Variants in ENKUR observed in about 807,000 individuals in gnomAD.
ENKUR encodes enkurin.
A neutral mutation model predicts 27.6 loss-of-function variants in ENKUR; 19 were observed. That is an observed-to-expected ratio of 0.69 (90% CI 0.48 to 1.01). The LOEUF is 1.01. Ranked by LOEUF, ENKUR falls within the 50% of genes least tolerant of loss-of-function variation. The pLI is 0.00. For synonymous variants in ENKUR, 117 were observed against 96.9 expected (o/e 1.21, Z -1.22); for missense variants, 312 against 310.5 (o/e 1.00, Z -0.04).
intron 2 of ENKUR, among the ~76,000 whole-genome samples, chr10:25,054,544 T>C (rs898622200): frequency 6.7e-6 from 1 of 148,326 alleles, no homozygotes; most frequent in African/African-American, 2.5e-5. Context: ...TCTTTCTTTC[T>C]TTCCTTTCTT....
intron 1 of ENKUR, among the ~76,000 whole-genome samples, chr10:24,999,768 G>C (rs1228699907): frequency 6.6e-6 from 1 of 152,164 alleles, no homozygotes; most frequent in Non-Finnish European, 1.5e-5. Context: ...AGTGTTCATA[G>C]TATTTCCTTA....
At chr10:25,037,327 G>T (rs1851019385) in intron 2 of ENKUR, among the ~76,000 whole-genome samples, 1 of 152,204 alleles carries the variant, frequency 6.6e-6, no homozygotes, top group Non-Finnish European at 1.5e-5. Context: ...GGTGGAACCA[G>T]AAAGCAGTTG....
intron 2 of ENKUR, among the ~76,000 whole-genome samples, chr10:25,036,371 GC>G (rs1851008114): frequency 6.6e-6 from 1 of 152,164 alleles, no homozygotes; most frequent in African/African-American, 2.4e-5. Context: ...GGCTTCCCAA[GC>G]CACGTGGAAC....
Position 24,983,101 on chromosome 10 carries a change from A to G in ENKUR, c.*1269T>C, listed in dbSNP as rs1466751482. 3.3e-5 allele frequency: 5 copies of G among 152,222 alleles called. No individual in the cohort carries two copies. The highest frequency in any genetic ancestry group is 1.2e-4 in the African/African-American group (5 of 41,466). 9.4% of individuals were successfully genotyped at this position (152,222 alleles called of 1,614,324 possible). On this transcript the variant is annotated 3_prime_UTR_variant, in exon 6 of 6. Transcript: ENST00000331161. ...CTGCCTGGATCAACAGAGTCACCAGACAAAAGGAGACTGGGTCCCTGAGTG... is the reference window on the plus strand; with the variant it reads ...CTGCCTGGATCAACAGAGTCACCAGGCAAAAGGAGACTGGGTCCCTGAGTG...
At chr10:25,020,740 CAAAA>C (rs36007062), upstream of ENKUR, among the ~76,000 whole-genome samples, 3 of 134,022 alleles carry the variant, frequency 2.2e-5, 1 homozygote, top group East Asian at 4.1e-4. Context: ...GACCCTTTCT[CAAAA>C]AAAAAAAAAA....
chr10:25,046,477 T>C (rs1229230981), intron 2 of ENKUR, among the ~76,000 whole-genome samples: 1 of 152,138 alleles, frequency 6.6e-6, no homozygotes, highest in Non-Finnish European at 1.5e-5. Context: ...AAACTTTCCA[T>C]ACGCTTTAAA....
intron 4 of ENKUR, among the ~76,000 whole-genome samples, chr10:24,986,048 A>G (rs1291558243): frequency 6.6e-6 from 1 of 152,232 alleles, no homozygotes; most frequent in Admixed American, 6.5e-5. Context: ...AGCCTGAAAC[A>G]ACAGAGCAGA....
At chr10:25,040,371 A>ATTTTTT (rs370808163) in intron 2 of ENKUR, among the ~76,000 whole-genome samples, 2 of 133,818 alleles carry the variant, frequency 1.5e-5, no homozygotes, top group Admixed American at 7.9e-5. Flanking sequence ...ATTAAATGGG[A>ATTTTTT]TTTTTTTTTT....
At chr10:25,025,788 T>C (rs1260095526) in intron 2 of ENKUR, 1 of 216,370 alleles carries the variant, frequency 4.6e-6, no homozygotes, top group African/African-American at 2.3e-5. Flanking sequence ...ATTAAAATAT[T>C]TAAGCCCAGT....
intron 2 of ENKUR, among the ~76,000 whole-genome samples, chr10:25,060,111 C>T (rs562918599): frequency 1.3e-5 from 2 of 152,236 alleles, no homozygotes; most frequent in African/African-American, 4.8e-5. Context: ...GCTTAGGAAG[C>T]CTGTGAAGCC....
At chr10:25,016,318 G>T (rs562818247), upstream of ENKUR, among the ~76,000 whole-genome samples, 1 of 152,192 alleles carries the variant, frequency 6.6e-6, no homozygotes, top group Non-Finnish European at 1.5e-5. Flanking sequence ...GGGTGAAAAT[G>T]ATGTCCCCTT....
chr10:24,999,417 T>C lies in ENKUR; in HGVS notation c.207A>G (p.Glu69=). The change falls in exon 2 of 6, where the codon GAA becomes GAG. Residue 69 remains glutamate, a synonymous_variant. Transcript: ENST00000331161. ...PKDFLKKHSK[E]KTLPPKKNFD... ...AAAACCTACTGGGTGGTAGAGTTTT[T>C]TCCTTTGAATGTTTCTTTAGGAAAT... 1 of 1,608,784 alleles carries C rather than the reference T, an allele frequency of 6.2e-7. No individual in the cohort carries two copies.
intron 1 of ENKUR, among the ~76,000 whole-genome samples, chr10:25,013,576 A>C (rs1159475816): frequency 6.6e-6 from 1 of 152,262 alleles, no homozygotes; most frequent in Non-Finnish European, 1.5e-5. Flanking sequence ...TGTTCAGACC[A>C]TAACTGGAAT....
intron 3 of ENKUR, among the ~76,000 whole-genome samples, chr10:24,994,627 C>G (rs569181267): frequency 1.3e-5 from 2 of 152,212 alleles, no homozygotes; most frequent in South Asian, 2.1e-4. Flanking sequence ...CTGTGCCCAG[C>G]CTGCATTCAT....
chr10:25,054,150 G>A (rs1228830592), intron 2 of ENKUR, among the ~76,000 whole-genome samples: 2 of 152,240 alleles, frequency 1.3e-5, no homozygotes, highest in Admixed American at 1.3e-4. Flanking sequence ...GCCGGGCATG[G>A]TGGCGCACGC....
chr10:25,057,413 ACACACACACACACAC>A (rs1851273468), intron 2 of ENKUR, among the ~76,000 whole-genome samples: 5 of 149,952 alleles, frequency 3.3e-5, no homozygotes, highest in Admixed American at 2.7e-4. Context: ...ACACACACAC[ACACACACACACACAC>A]AATGCCCTTA....
In ENKUR at chr10:24,984,904, C is replaced by T. The variant is rs1849749079; in HGVS notation, c.596G>A (p.Gly199Glu). Residue 199 changes from glycine to glutamate, a missense_variant and splice_region_variant, in exon 5 of 6, where the codon GGG becomes GAG. Coordinates refer to ENST00000331161, the MANE Select transcript of ENKUR (RefSeq NM_145010.4). The part of the protein sequence containing the change: ...SDEEREAVLQ[G>E]LKKNWEEVHK... ...CACCTCTTCCCAGTTCTTTTTCAGC[C>T]CCTGCAAATGGTCAAGAAACTTGTA... 6.2e-6 allele frequency: 10 copies of T among 1,610,226 alleles called. No individual in the cohort carries two copies. In the East Asian group the frequency reaches 2.2e-4, roughly 36 times the overall value.
chr10:25,005,230 A>C lies in ENKUR; in HGVS notation c.78-5684T>G, dbSNP rs147813924. ...GCTCTATTTTCTATTTATTATTAGA[A>C]TTATGAGATATGGGCTAAAGATAAG... On this transcript the variant is annotated intron_variant, in intron 1 of 5. Coordinates refer to ENST00000331161, the MANE Select transcript of ENKUR (RefSeq NM_145010.4). Among the ~76,000 whole-genome samples the C allele has an allele frequency of 3.8e-3, 574 of 152,288 alleles. 2 individuals carry two copies. The highest frequency in any genetic ancestry group is 7.2e-3 in the Non-Finnish European group (490 of 68,008).
At chr10:24,994,599 G>T (rs112820612) in intron 3 of ENKUR, among the ~76,000 whole-genome samples, 5,160 of 152,056 alleles carry the variant, frequency 0.034, 216 homozygotes, top group African/African-American at 0.096. Context: ...AAAGTGCTGG[G>T]ATTACAGTTG....
Sources: gnomAD v4.1 joint callset for allele counts (sites outside exome capture counted in the v4.1 genomes callset) on GRCh38, gnomAD v4.1.1 for gene constraint, MANE v1.5 for transcripts, NCBI Gene and HGNC (gene_info 2026-07-23, HGNC 2026-07-21) for gene names.